Variants in MEIOSIN observed in about 807,000 individuals in gnomAD.
The protein encoded by MEIOSIN is meiosis initiator protein.
In MEIOSIN, 18 loss-of-function variants were observed where a neutral mutation model predicts 23.4. The observed-to-expected ratio is 0.77, with a 90% CI of 0.53 to 1.14. The LOEUF is 1.14. Ranked by LOEUF, MEIOSIN falls within the 50% of genes most tolerant of loss-of-function variation. The pLI is 0.00. For missense variants in MEIOSIN, 428 were observed against 242.9 expected, an observed-to-expected ratio of 1.76 and a Z score of -5.07; for synonymous variants, 187 against 100.6, an observed-to-expected ratio of 1.86 and a Z score of -5.14.
chr19:45,760,858 G>A (rs1159308670), intron 11 of MEIOSIN, among the ~76,000 whole-genome samples: 1 of 151,200 alleles, frequency 6.6e-6, no homozygotes, highest in Non-Finnish European at 1.5e-5. Context: ...AACCCAAGAG[G>A]TGGAGAATGG....
chr19:45,749,489 C>T (rs1968651975), intron 4 of MEIOSIN, among the ~76,000 whole-genome samples: 1 of 149,730 alleles, frequency 6.7e-6, no homozygotes, highest in Admixed American at 6.7e-5. Context: ...TTCTGGCTAA[C>T]ATGGTGAAAC....
intron 9 of MEIOSIN, among the ~76,000 whole-genome samples, chr19:45,758,137 G>C (rs1384638020): frequency 6.6e-6 from 1 of 151,918 alleles, no homozygotes; most frequent in Non-Finnish European, 1.5e-5. Flanking sequence ...GGGATTACAG[G>C]TGTGCACCAC....
At chr19:45,753,622 C>G in intron 5 of MEIOSIN, 29 bp from the exon 6 acceptor site, 3 of 690,868 alleles carry the variant, frequency 4.3e-6, no homozygotes, top group Non-Finnish European at 2.6e-6. Context: ...GGTGGGGGAT[C>G]TGAGCTGTTT....
chr19:45,750,948 G>T (rs974965299), intron 5 of MEIOSIN, among the ~76,000 whole-genome samples, 162 bp downstream of exon 5: 3 of 152,072 alleles, frequency 2.0e-5, no homozygotes, highest in Non-Finnish European at 4.4e-5. Context: ...GGGCCTTCAG[G>T]ACTGTAGGAG....
At chr19:45,758,654 T>G (rs1448796526) in intron 9 of MEIOSIN, among the ~76,000 whole-genome samples, 3 of 152,228 alleles carry the variant, frequency 2.0e-5, no homozygotes, top group Non-Finnish European at 4.4e-5. Flanking sequence ...GGTCTTGAAC[T>G]CCTGATCTCA....
intron 5 of MEIOSIN, among the ~76,000 whole-genome samples, chr19:45,752,599 C>T (rs1365552201): frequency 6.6e-6 from 1 of 151,208 alleles, no homozygotes; most frequent in Non-Finnish European, 1.5e-5. Context: ...GCAATTCTCC[C>T]GCCTTGGCCT....
At chr19:45,735,282 G>C (rs1248016431) in intron 1 of MEIOSIN, 95 bp from the exon 2 acceptor site, 2 of 669,376 alleles carry the variant, frequency 3.0e-6, no homozygotes, top group African/African-American at 3.5e-5. Context: ...GCTCAAAGGA[G>C]CATCATAGGG....
At chr19:45,759,163 G>GA (rs1968893723) in intron 10 of MEIOSIN, 130 bp downstream of exon 10, 2 of 642,004 alleles carry the variant, frequency 3.1e-6, no homozygotes, top group South Asian at 3.5e-5. Context: ...CCACGGCCTA[G>GA]TGGGGGAGCA....
chr19:45,753,413 A>G (rs1968754107), intron 5 of MEIOSIN, among the ~76,000 whole-genome samples: 1 of 152,074 alleles, frequency 6.6e-6, no homozygotes, highest in Non-Finnish European at 1.5e-5. Flanking sequence ...GGAAGTGTTG[A>G]TTCCATTCTC....
intron 3 of MEIOSIN, among the ~76,000 whole-genome samples, chr19:45,743,076 C>T (rs1047523295): frequency 6.6e-6 from 1 of 152,088 alleles, no homozygotes. Flanking sequence ...GCCCTGAGAG[C>T]GGAGCCCAGG....
chr19:45,735,858 G>A (rs1021653968), intron 2 of MEIOSIN, among the ~76,000 whole-genome samples: 6 of 151,922 alleles, frequency 3.9e-5, no homozygotes, highest in Non-Finnish European at 5.9e-5. Flanking sequence ...TGTATTTTTT[G>A]TAAAGATAGG....
chr19:45,752,761 T>G (rs1968737259), intron 5 of MEIOSIN, among the ~76,000 whole-genome samples: 1 of 151,934 alleles, frequency 6.6e-6, no homozygotes, highest in African/African-American at 2.4e-5. Context: ...GAGGTTAAGG[T>G]CACAGAGATG....
At chr19:45,759,392 C>T in intron 10 of MEIOSIN, 22 bp from the exon 11 acceptor site, 1 of 703,052 alleles carries the variant, frequency 1.4e-6, no homozygotes, top group South Asian at 1.5e-5. Flanking sequence ...ACTCTGGCTG[C>T]CCCTCTGGTC....
In MEIOSIN at chr19:45,759,043, A is replaced by T; in HGVS notation, c.1168+10A>T. ...GAGTACCTGACCCAAGGTGAGGCCCAGGCCTGGCCCTGATGCTTAGTTCAT... is the reference window on the plus strand; with the variant it reads ...GAGTACCTGACCCAAGGTGAGGCCCTGGCCTGGCCCTGATGCTTAGTTCAT... On this transcript the variant is annotated intron_variant, in intron 10 of 14. Transcript: ENST00000457052. The T allele has an allele frequency of 1.4e-6, 1 of 703,072 alleles. No individual in the cohort carries two copies. Among genetic ancestry groups the T allele is most frequent in the Non-Finnish European group, 2.6e-6 (1 of 385,000 alleles). 43.6% of individuals were successfully genotyped at this position (703,072 alleles called of 1,614,324 possible). A position where few individuals can be genotyped will look rare whatever the true frequency, so the allele number is the denominator to read the frequency against.
chr19:45,736,870 C>CTT (rs1179690772), intron 2 of MEIOSIN, among the ~76,000 whole-genome samples: 5 of 135,516 alleles, frequency 3.7e-5, no homozygotes, highest in Admixed American at 1.5e-4. Context: ...TGCGCCCAGC[C>CTT]TTTTTTTTTT....
Position 45,739,725 on chromosome 19 carries a change from A to G in MEIOSIN, c.171A>G (p.Lys57=), listed in dbSNP as rs1410034873. The change falls in exon 3 of 15, where the codon AAA becomes AAG. Residue 57 remains lysine (K), a synonymous_variant. Coordinates refer to ENST00000457052, the MANE Select transcript of MEIOSIN (RefSeq NM_001310124.2). ...RMEEKWLLKG[K]LRNQRNQNKL... ...AGGAGAAATGGTTGCTCAAAGGAAA[A>G]CTGAGGTACTGTTAACAGAAAAGGG... 1.4e-6 allele frequency: 1 copy of G among 703,578 alleles called. No individual in the cohort carries two copies. Among genetic ancestry groups the G allele is most frequent in the Non-Finnish European group, 2.6e-6 (1 of 385,130 alleles). The allele number at this position is 703,578 out of a possible 1,614,324, so 43.6% of individuals were successfully genotyped here. A position where few individuals can be genotyped will look rare whatever the true frequency, so the allele number is the denominator to read the frequency against.
intron 2 of MEIOSIN, among the ~76,000 whole-genome samples, chr19:45,736,466 G>A (rs970170621): frequency 9.2e-5 from 14 of 152,098 alleles, no homozygotes; most frequent in Admixed American, 1.3e-4. Context: ...AGGCTCAAGC[G>A]ATTCTCCTGC....
chr19:45,761,424 T>A (rs1305752811), intron 11 of MEIOSIN, among the ~76,000 whole-genome samples: 6 of 11,086 alleles, frequency 5.4e-4, no homozygotes, highest in African/African-American at 3.1e-3. Flanking sequence ...GCCTGGCCTA[T>A]TTTTTTTTTT....
At position 45,754,728 on chromosome 19, in the gene MEIOSIN, G is replaced by A. The variant is rs960932007; in HGVS notation, c.802+4G>A. On this transcript the variant is annotated splice_donor_region_variant and intron_variant, in intron 7 of 14. Transcript: ENST00000457052. Reference sequence around the variant, plus strand: ...ACCATCCACTGTGACATCTCAAGTGGGTCTCTTTCCTCACTCTGAACTTAG... The same window carrying A: ...ACCATCCACTGTGACATCTCAAGTGAGTCTCTTTCCTCACTCTGAACTTAG... 1.4e-6 allele frequency: 1 copy of A among 702,784 alleles called. No homozygotes were observed. Among genetic ancestry groups the A allele is most frequent in the African/African-American group, 1.7e-5 (1 of 57,254 alleles). The allele number at this position is 702,784 out of a possible 1,614,324, so 43.5% of individuals were successfully genotyped here.
Sources: allele counts gnomAD v4.1 joint callset (sites outside exome capture counted in the v4.1 genomes callset), GRCh38; gene constraint gnomAD v4.1.1; transcripts MANE v1.5; gene names NCBI Gene and HGNC (gene_info 2026-07-23, HGNC 2026-07-21).